The following DRICH1 variants were observed in gnomAD, a reference collection of about 807,000 sequenced individuals.
DRICH1 encodes aspartate-rich protein 1.
In DRICH1, 38 loss-of-function variants were observed where a neutral mutation model predicts 39.5. The ratio of observed to expected loss-of-function variants is 0.96; its 90% CI spans 0.74 to 1.26. The LOEUF is 1.26. DRICH1 is among the 50% of genes most tolerant of loss of function. DRICH1 has a pLI of 0.00. For missense variants in DRICH1, 279 were observed against 270.4 expected, an observed-to-expected ratio of 1.03 and a Z score of -0.22; for synonymous variants, 84 against 99.5, an observed-to-expected ratio of 0.84 and a Z score of 0.93.
intron 7 of DRICH1, 45 bp from the exon 8 acceptor site, chr22:23,616,919 T>C: frequency 6.2e-7 from 1 of 1,606,564 alleles, no homozygotes. Context: ...AGATCAATTC[T>C]GCCACACCCC....
rs978365908 is a variant in DRICH1 at position 23,611,537 on chromosome 22, G to A, written c.685+1752C>T. ...CTCCCAAGTAGCTGGGACTACAAGC[G>A]CCCACCACCACACCCAGCTAATGTT... On this transcript the variant is annotated intron_variant, in intron 11 of 11. Coordinates refer to ENST00000317749, the MANE Select transcript of DRICH1 (RefSeq NM_016449.4). Among the ~76,000 whole-genome samples the A allele has an allele frequency of 5.3e-5, 8 of 151,694 alleles. No homozygotes were observed. In the East Asian group the frequency reaches 7.7e-4, roughly 15 times the overall value.
chr22:23,596,407 A>G, the DRICH1 span, among the ~76,000 whole-genome samples: 4 of 141,158 alleles, frequency 2.8e-5, no homozygotes. Context: ...CCACAGGTAC[A>G]TGGCACCCCC....
chr22:23,591,539 C>T, the DRICH1 span, among the ~76,000 whole-genome samples: 1 of 152,112 alleles, frequency 6.6e-6, no homozygotes, highest in Non-Finnish European at 1.5e-5. Context: ...AAGCGCTTCC[C>T]ACTTCACTTC....
rs1920998375 is a variant in DRICH1 at position 23,632,055 on chromosome 22, C to G, written c.-32G>C. On this transcript the variant is annotated 5_prime_UTR_variant, in exon 1 of 12. Transcript: ENST00000317749. ...TCTCCATGCCTCTCCACTCCTGCCT[C>G]AGCCTTCAGCGAAATTGTAACTGTG... 2 of 1,611,310 alleles carry G rather than the reference C, an allele frequency of 1.2e-6. No homozygotes were observed. Among genetic ancestry groups the G allele is most frequent in the Non-Finnish European group, 1.7e-6 (2 of 1,179,298 alleles).
the DRICH1 span, among the ~76,000 whole-genome samples, chr22:23,590,009 T>C: frequency 3.3e-5 from 5 of 152,180 alleles, no homozygotes. Context: ...TCTATTGTTC[T>C]CTGGCATAAG....
intron 8 of DRICH1, among the ~76,000 whole-genome samples, chr22:23,614,597 C>G (rs1340941053): frequency 6.6e-6 from 1 of 152,140 alleles, no homozygotes; most frequent in African/African-American, 2.4e-5. Flanking sequence ...TATGCTGATA[C>G]TACATTTAGC....
chr22:23,596,226 C>T, the DRICH1 span, among the ~76,000 whole-genome samples: 2 of 152,120 alleles, frequency 1.3e-5, no homozygotes, highest in African/African-American at 4.8e-5. Flanking sequence ...CAGTTCTCCC[C>T]GGGTCCAACC....
downstream of DRICH1, among the ~76,000 whole-genome samples, chr22:23,605,079 A>T (rs1372516052): frequency 6.6e-6 from 1 of 152,112 alleles, no homozygotes; most frequent in Non-Finnish European, 1.5e-5. Flanking sequence ...TATTTGTACA[A>T]TGGGGATCAC....
chr22:23,603,005 A>C, the DRICH1 span, among the ~76,000 whole-genome samples: 1 of 138,156 alleles, frequency 7.2e-6, no homozygotes, highest in Non-Finnish European at 1.6e-5. Context: ...GAACACATTT[A>C]CTTTTTTTTT....
intron 8 of DRICH1, among the ~76,000 whole-genome samples, chr22:23,615,174 G>C (rs1269805023): frequency 1.3e-5 from 2 of 152,150 alleles, no homozygotes; most frequent in East Asian, 1.9e-4. Context: ...AGCAGTTCAT[G>C]ACCAGCCTGG....
intron 11 of DRICH1, among the ~76,000 whole-genome samples, chr22:23,611,496 A>T (rs1323979483): frequency 6.7e-6 from 1 of 149,432 alleles, no homozygotes; most frequent in Non-Finnish European, 1.5e-5. Flanking sequence ...GGTTCACGCC[A>T]TTCTCCTGCC....
chr22:23,617,476 T>G, intron 7 of DRICH1, 99 bp downstream of exon 7: 1 of 1,383,612 alleles, frequency 7.2e-7, no homozygotes. Context: ...TTACTGTTTT[T>G]CAGCTGCCTG....
intron 7 of DRICH1, among the ~76,000 whole-genome samples, chr22:23,617,181 C>T (rs1336230107): frequency 6.6e-6 from 1 of 152,146 alleles, no homozygotes. Context: ...TAAAAACATC[C>T]TAGTGTGTCA....
intron 8 of DRICH1, among the ~76,000 whole-genome samples, chr22:23,616,365 A>G (rs1927347115): frequency 6.6e-6 from 1 of 152,318 alleles, no homozygotes; most frequent in East Asian, 1.9e-4. Flanking sequence ...GCCCATAAAC[A>G]TAGTACTTCT....
At chr22:23,581,217 G>A in the DRICH1 span, 1 of 152,206 alleles carries the variant, frequency 6.6e-6, no homozygotes, top group Non-Finnish European at 1.5e-5. Flanking sequence ...TTCACTCAAA[G>A]GCCAGTAGCT....
chr22:23,605,297 C>T (rs979496142), downstream of DRICH1, among the ~76,000 whole-genome samples: 2 of 152,120 alleles, frequency 1.3e-5, no homozygotes, highest in Non-Finnish European at 2.9e-5. Flanking sequence ...CACCATGTCC[C>T]CCCAACAGGT....
chr22:23,600,704 G>A, the DRICH1 span, among the ~76,000 whole-genome samples: 5 of 140,560 alleles, frequency 3.6e-5, no homozygotes, highest in African/African-American at 5.4e-5. Context: ...ATGGAGTCTC[G>A]CTCTGTCGCC....
chr22:23,614,256 T>C (rs1384031026), intron 8 of DRICH1, 42 bp from the exon 9 acceptor site: 1 of 1,425,356 alleles, frequency 7.0e-7, no homozygotes, highest in Non-Finnish European at 9.9e-7. Flanking sequence ...CGGTGGTTGG[T>C]GACTCTGAGT....
At chr22:23,629,592 A>G (rs1417879482) in intron 1 of DRICH1, among the ~76,000 whole-genome samples, 1 of 152,158 alleles carries the variant, frequency 6.6e-6, no homozygotes, top group East Asian at 1.9e-4. Flanking sequence ...TCTGTCTGCT[A>G]TGGATTGCAG....
Sources: allele counts gnomAD v4.1 joint callset (sites outside exome capture counted in the v4.1 genomes callset), GRCh38; gene constraint gnomAD v4.1.1; transcripts MANE v1.5; gene names NCBI Gene and HGNC (gene_info 2026-07-23, HGNC 2026-07-21).